The following XKR4 variants were observed in gnomAD, a reference collection of about 807,000 sequenced individuals.
The protein encoded by XKR4 is XK-related protein 4.
A neutral mutation model predicts 53.9 loss-of-function variants in XKR4; 12 were observed. The ratio of observed to expected loss-of-function variants is 0.22; its 90% CI spans 0.14 to 0.36. The LOEUF (loss-of-function observed/expected upper bound fraction) is 0.36. XKR4 is among the 10% of genes least tolerant of loss of function. The pLI is 1.00. For synonymous variants in XKR4, 354 were observed against 362.4 expected, an observed-to-expected ratio of 0.98 and a Z score of 0.26; for missense variants, 799 against 859.5, an observed-to-expected ratio of 0.93 and a Z score of 0.88.
intron 1 of XKR4, among the ~76,000 whole-genome samples, chr8:55,303,962 T>C (rs975587514): frequency 2.6e-5 from 4 of 152,190 alleles, no homozygotes; most frequent in African/African-American, 9.7e-5. Context: ...CTGGATTCAT[T>C]GATTTTTTGA....
At chr8:55,209,228 T>TGTGTGTGTGTGTG in intron 1 of XKR4, among the ~76,000 whole-genome samples, 3 of 151,170 alleles carry the variant, frequency 2.0e-5, no homozygotes, top group South Asian at 2.1e-4. Flanking sequence ...TGTGTGTGTG[T>TGTGTGTGTGTGTG]TATTCTTCTC....
intron 1 of XKR4, among the ~76,000 whole-genome samples, chr8:55,304,076 T>C (rs1284896524): frequency 6.6e-6 from 1 of 152,214 alleles, no homozygotes; most frequent in Non-Finnish European, 1.5e-5. Context: ...TTCTAGTTCT[T>C]TTAATTGTGA....
chr8:55,359,862 G>C (rs942685669), intron 2 of XKR4, among the ~76,000 whole-genome samples: 1 of 152,084 alleles, frequency 6.6e-6, no homozygotes, highest in Non-Finnish European at 1.5e-5. Flanking sequence ...CCTAAACATA[G>C]GAACCAAGAG....
rs74782109 is a variant in XKR4, at chr8:55,433,402, T to C, written c.1006+75525T>C. On this transcript the variant is annotated intron_variant, in intron 2 of 2. Coordinates refer to ENST00000327381, the MANE Select transcript of XKR4 (RefSeq NM_052898.2). ...ATAATTGTGACCAAACAATAGTTAA[T>C]ATAGGAAGAGATAATAATAATAAAT... Among the ~76,000 whole-genome samples the C allele has an allele frequency of 1.1e-3, 163 of 152,356 alleles. 1 individual carries two copies. The highest frequency in any genetic ancestry group is 3.9e-3 in the African/African-American group (161 of 41,584).
At chr8:55,292,768 G>A (rs946837137) in intron 1 of XKR4, among the ~76,000 whole-genome samples, 7 of 152,034 alleles carry the variant, frequency 4.6e-5, no homozygotes, top group Non-Finnish European at 1.0e-4. Context: ...TGAGTGTTTA[G>A]TTCTACTAAT....
intron 2 of XKR4, among the ~76,000 whole-genome samples, chr8:55,475,226 G>A (rs190262459): frequency 1.3e-3 from 205 of 152,206 alleles, no homozygotes; most frequent in Admixed American, 2.2e-3. Context: ...GCACCCAGAT[G>A]CAGAGAGCAA....
intron 1 of XKR4, among the ~76,000 whole-genome samples, chr8:55,134,601 G>A (rs1319413751): frequency 6.6e-6 from 1 of 152,198 alleles, no homozygotes; most frequent in Non-Finnish European, 1.5e-5. Context: ...GAGACATGGG[G>A]TGGTCAGAAG....
chr8:55,541,860 C>T lies in XKR4; in HGVS notation c.*17633C>T, dbSNP rs1807106259. Reference sequence around the variant, plus strand: ...GGCCACTGTCAGCAGGCAGTGACCCCCAGTGCCCTAGTTTGAAGCACAGTG... The same window carrying T: ...GGCCACTGTCAGCAGGCAGTGACCCTCAGTGCCCTAGTTTGAAGCACAGTG... On this transcript the variant is annotated 3_prime_UTR_variant, in exon 3 of 3. Coordinates refer to ENST00000327381, the MANE Select transcript of XKR4 (RefSeq NM_052898.2). 6.6e-6 allele frequency: 1 copy of T among 152,030 alleles called. No individual in the cohort carries two copies. Among genetic ancestry groups the T allele is most frequent in the Admixed American group, 6.6e-5 (1 of 15,242 alleles). The allele number at this position is 152,030 out of a possible 1,614,324, so 9.4% of individuals were successfully genotyped here.
chr8:55,398,535 G>GCGTTCCTCC (rs1804556206), intron 2 of XKR4, among the ~76,000 whole-genome samples: 1 of 152,220 alleles, frequency 6.6e-6, no homozygotes. Flanking sequence ...AAAGGAGGAT[G>GCGTTCCTCC]AGTTCCTCCA....
chr8:55,386,361 G>A (rs753857320), intron 2 of XKR4, among the ~76,000 whole-genome samples: 1 of 152,182 alleles, frequency 6.6e-6, no homozygotes, highest in African/African-American at 2.4e-5. Flanking sequence ...ATCTTTTATC[G>A]TGGCTGCTTG....
intron 1 of XKR4, among the ~76,000 whole-genome samples, chr8:55,181,419 C>T (rs1817309237): frequency 6.6e-6 from 1 of 152,150 alleles, no homozygotes; most frequent in Non-Finnish European, 1.5e-5. Context: ...TCTCTTTTCT[C>T]CTCAGCCCCT....
rs1235174594 is a variant in XKR4 at position 55,538,849 on chromosome 8, A to T, written c.*14622A>T. On this transcript the variant is annotated 3_prime_UTR_variant, in exon 3 of 3. Transcript: ENST00000327381. The stretch of plus-strand genomic sequence containing the variant: ...ATTGAGTATCCTCTTCACCCCTAAG[A>T]TGACACATCTTTACAACACAATAAA... The T allele has an allele frequency of 6.6e-6, 1 of 152,220 alleles. No homozygotes were observed. The highest frequency in any genetic ancestry group is 1.5e-5 in the Non-Finnish European group (1 of 68,044). The allele number at this position is 152,220 out of a possible 1,614,324, so 9.4% of individuals were successfully genotyped here. A position where few individuals can be genotyped will look rare whatever the true frequency, so the allele number is the denominator to read the frequency against.
chr8:55,284,248 C>A (rs561369612), intron 1 of XKR4, among the ~76,000 whole-genome samples: 2 of 152,152 alleles, frequency 1.3e-5, no homozygotes, highest in African/African-American at 4.8e-5. Flanking sequence ...TGTGAACTCT[C>A]ATTAATATTT....
chr8:55,361,672 A>C (rs896068710), intron 2 of XKR4, among the ~76,000 whole-genome samples: 1 of 151,702 alleles, frequency 6.6e-6, no homozygotes, highest in African/African-American at 2.4e-5. Context: ...TCCCCTTGGC[A>C]CTCATTAAAA....
At chr8:55,490,310 T>TC (rs559012208) in intron 2 of XKR4, among the ~76,000 whole-genome samples, 76 of 152,298 alleles carry the variant, frequency 5.0e-4, no homozygotes, top group African/African-American at 1.8e-3. Context: ...AAGGTCATTA[T>TC]CCTAAGTGAA....
At chr8:55,464,761 T>C (rs1297607569) in intron 2 of XKR4, among the ~76,000 whole-genome samples, 1 of 152,182 alleles carries the variant, frequency 6.6e-6, no homozygotes, top group African/African-American at 2.4e-5. Flanking sequence ...CAAAATCTCC[T>C]TAAGCTGATA....
At chr8:55,268,517 T>A (rs895795112) in intron 1 of XKR4, among the ~76,000 whole-genome samples, 2 of 152,144 alleles carry the variant, frequency 1.3e-5, no homozygotes, top group African/African-American at 4.8e-5. Context: ...ATTACATAAT[T>A]AGGTTTTTAA....
At chr8:55,323,489 A>T (rs958244510) in intron 1 of XKR4, among the ~76,000 whole-genome samples, 10 of 152,142 alleles carry the variant, frequency 6.6e-5, no homozygotes, top group Non-Finnish European at 1.0e-4. Context: ...GAAACTTGAG[A>T]TTTGAGATTT....
At chr8:55,507,571 T>C (rs556903148) in intron 2 of XKR4, among the ~76,000 whole-genome samples, 15 of 152,250 alleles carry the variant, frequency 9.9e-5, no homozygotes, top group Admixed American at 5.2e-4. Flanking sequence ...ATTGTTCAAT[T>C]CCCACCTATG....
Sources: gnomAD v4.1 joint callset for allele counts (sites outside exome capture counted in the v4.1 genomes callset) on GRCh38, gnomAD v4.1.1 for gene constraint, MANE v1.5 for transcripts, NCBI Gene and HGNC (gene_info 2026-07-23, HGNC 2026-07-21) for gene names.